Variants in SCAF8 observed in about 807,000 individuals in gnomAD.
SCAF8 encodes SR-related and CTD-associated factor 8.
A neutral mutation model predicts 140.5 loss-of-function variants in SCAF8; 23 were observed. The observed-to-expected ratio is 0.16, with a 90% CI of 0.12 to 0.23. The LOEUF (loss-of-function observed/expected upper bound fraction) is 0.23, where lower values mean the gene tolerates loss of function less well. Among genes scored for constraint, SCAF8 ranks in the 10% least tolerant of loss-of-function variants. The pLI is 1.00. For missense variants in SCAF8, 1,397 were observed against 1,555.7 expected (o/e 0.90, Z 1.72); for synonymous variants, 575 against 528.9 (o/e 1.09, Z -1.20).
intron 4 of SCAF8, among the ~76,000 whole-genome samples, chr6:154,789,646 C>T (rs149063443): frequency 6.7e-5 from 10 of 148,966 alleles, no homozygotes; most frequent in Admixed American, 1.3e-4. Context: ...CCCAGGTTCA[C>T]GCCATTCTCC....
At chr6:154,735,755 C>G (rs1185410830) in intron 1 of SCAF8, among the ~76,000 whole-genome samples, 1 of 152,060 alleles carries the variant, frequency 6.6e-6, no homozygotes, top group African/African-American at 2.4e-5. Flanking sequence ...CTCAAGTGAT[C>G]CACCCGCCTT....
At chr6:154,792,215 T>G (rs935092447) in intron 4 of SCAF8, among the ~76,000 whole-genome samples, 1 of 152,168 alleles carries the variant, frequency 6.6e-6, no homozygotes, top group Non-Finnish European at 1.5e-5. Context: ...ACGCTTCAGA[T>G]TCTGTCTGTA....
intron 3 of SCAF8, among the ~76,000 whole-genome samples, chr6:154,784,120 GATATATATATATATATATATAT>G (rs72135986): frequency 0.015 from 1,565 of 106,892 alleles, 87 homozygotes; most frequent in African/African-American, 0.044. Flanking sequence ...GGTGTCTTGA[GATATATATATATATATATATAT>G]ATATATATAT....
intron 1 of SCAF8, among the ~76,000 whole-genome samples, chr6:154,757,926 T>G (rs1165174748): frequency 6.6e-6 from 1 of 151,144 alleles, no homozygotes; most frequent in Non-Finnish European, 1.5e-5. Flanking sequence ...TTTTTTTTTT[T>G]TTGAGTTGGA....
At chr6:154,754,127 A>G (rs1778908382) in intron 1 of SCAF8, among the ~76,000 whole-genome samples, 1 of 152,224 alleles carries the variant, frequency 6.6e-6, no homozygotes, top group Non-Finnish European at 1.5e-5. Context: ...AGGGAGCTTA[A>G]GAGTTTGAAG....
intron 17 of SCAF8, 57 bp from the exon 18 acceptor site, chr6:154,827,115 G>T: frequency 7.3e-7 from 1 of 1,367,636 alleles, no homozygotes; most frequent in Non-Finnish European, 1.0e-6. Context: ...TGGAATCTTT[G>T]ATTTAAAATA....
chr6:154,807,965 G>C, intron 9 of SCAF8, 105 bp from the exon 10 acceptor site: 2 of 964,830 alleles, frequency 2.1e-6, no homozygotes, highest in Non-Finnish European at 3.0e-6. Flanking sequence ...TTTATGTATG[G>C]CTCATGTTTT....
chr6:154,814,030 A>G (rs1405035079), intron 12 of SCAF8, among the ~76,000 whole-genome samples: 2 of 152,248 alleles, frequency 1.3e-5, no homozygotes, highest in Non-Finnish European at 2.9e-5. Context: ...TTATTTTGTT[A>G]TAGCAGCAAT....
intron 16 of SCAF8, among the ~76,000 whole-genome samples, chr6:154,823,203 A>C (rs1050240572): frequency 6.6e-6 from 1 of 152,198 alleles, no homozygotes; most frequent in African/African-American, 2.4e-5. Flanking sequence ...ACTTGGAATG[A>C]GATGGATGGT....
intron 1 of SCAF8, among the ~76,000 whole-genome samples, chr6:154,754,956 C>T (rs1778929111): frequency 6.6e-6 from 1 of 152,156 alleles, no homozygotes; most frequent in Non-Finnish European, 1.5e-5. Context: ...TACTTTTAGA[C>T]TTCTGTTTAT....
chr6:154,817,955 A>G (rs1291930134), intron 13 of SCAF8, among the ~76,000 whole-genome samples: 1 of 152,168 alleles, frequency 6.6e-6, no homozygotes, highest in East Asian at 1.9e-4. Flanking sequence ...GTTTTATAAG[A>G]CTGAAAATTT....
In SCAF8 at chr6:154,733,843, C is replaced by G. The variant is rs1224166753; in HGVS notation, c.-58C>G. ...GCAGCCCGCGTCTCGCTCTCCCCAC[C>G]CAGTGCAGTGGCCGCCGCCTCTTCC... On this transcript the variant is annotated 5_prime_UTR_variant, in exon 1 of 20. Transcript: ENST00000367178. 6.5e-7 allele frequency: 1 copy of G among 1,536,528 alleles called. No individual in the cohort carries two copies. The highest frequency in any genetic ancestry group is 8.7e-7 in the Non-Finnish European group (1 of 1,147,482).
At chr6:154,820,008 GA>G (rs1387525712) in intron 14 of SCAF8, among the ~76,000 whole-genome samples, 168 bp from the exon 15 acceptor site, 3 of 152,098 alleles carry the variant, frequency 2.0e-5, no homozygotes, top group African/African-American at 7.2e-5. Flanking sequence ...GAAACAACTG[GA>G]AAAAAATTCT....
intron 6 of SCAF8, among the ~76,000 whole-genome samples, chr6:154,795,971 A>G (rs967182447): frequency 6.6e-6 from 1 of 152,166 alleles, no homozygotes; most frequent in African/African-American, 2.4e-5. Context: ...TTTATAGTCA[A>G]TACCAGTTTC....
At chr6:154,784,065 T>G (rs1042027135) in intron 3 of SCAF8, among the ~76,000 whole-genome samples, 5 of 147,772 alleles carry the variant, frequency 3.4e-5, no homozygotes, top group African/African-American at 7.5e-5. Flanking sequence ...AGACTCCGTC[T>G]CAAAAAAATA....
chr6:154,739,334 A>G (rs1256063330), intron 1 of SCAF8, among the ~76,000 whole-genome samples: 1 of 152,198 alleles, frequency 6.6e-6, no homozygotes, highest in Non-Finnish European at 1.5e-5. Context: ...ACAAAAAACA[A>G]ACGTAGTTCC....
At chr6:154,747,698 C>CT (rs1778735973) in intron 1 of SCAF8, among the ~76,000 whole-genome samples, 1 of 151,966 alleles carries the variant, frequency 6.6e-6, no homozygotes, top group East Asian at 1.9e-4. Flanking sequence ...TCATAAAGGC[C>CT]TTATAGTGCT....
intron 7 of SCAF8, among the ~76,000 whole-genome samples, chr6:154,802,370 A>G (rs1481374720): frequency 2.6e-5 from 4 of 152,128 alleles, no homozygotes; most frequent in African/African-American, 9.7e-5. Flanking sequence ...TATAATCCCC[A>G]GCACTTTGGG....
rs1777543053 is a variant in SCAF8 at position 154,794,778 on chromosome 6, GGGGTGTGTGTGTGTGT to G, written c.476-229_476-214del. Among the ~76,000 whole-genome samples the G allele has an allele frequency of 1.6e-3, 108 of 68,532 alleles. 3 individuals are homozygous for G. Among genetic ancestry groups the G allele is most frequent in the African/African-American group, 4.0e-3 (56 of 13,830 alleles). 45.0% of individuals were successfully genotyped at this position (68,532 alleles called of 152,430 possible). On this transcript the variant is annotated intron_variant, in intron 5 of 19. Transcript: ENST00000367178. ...TTTTGGTGGGGGGGGGGGGGTGTGG[GGGGTGTGTGTGTGTGT>G]GTGTGTGTGTGTGTGTGTGTGTGTG...
Sources: allele counts gnomAD v4.1 joint callset (sites outside exome capture counted in the v4.1 genomes callset), GRCh38; gene constraint gnomAD v4.1.1; transcripts MANE v1.5; gene names NCBI Gene and HGNC (gene_info 2026-07-23, HGNC 2026-07-21).